The following SH2B3 variants were observed in gnomAD, a reference collection of about 807,000 sequenced individuals.
SH2B3 encodes the protein SH2B adaptor protein 3.
Under a neutral mutation model 51.9 loss-of-function variants are expected in SH2B3, and 43 were observed. The ratio of observed to expected loss-of-function variants is 0.83; its 90% CI spans 0.65 to 1.07. SH2B3 has a LOEUF of 1.07. SH2B3 is among the 50% of genes least tolerant of loss of function. The pLI is 0.00. For synonymous variants in SH2B3, 396 were observed against 376.0 expected, an observed-to-expected ratio of 1.05 and a Z score of -0.62; for missense variants, 952 against 834.3, an observed-to-expected ratio of 1.14 and a Z score of -1.74.
chr12:111,405,289 G>A (rs1266926998), upstream of SH2B3, among the ~76,000 whole-genome samples: 1 of 152,242 alleles, frequency 6.6e-6, no homozygotes, highest in Admixed American at 6.5e-5. The surrounding 1 kb of genome is among the most constrained non-coding windows in gnomAD (Gnocchi z 5.4). Context: ...CAAAGGCAAA[G>A]CTGAGGGCTG....
rs971748249 is a variant in SH2B3, at chr12:111,409,202, T to A, written c.-28+2925T>A. Among the ~76,000 whole-genome samples, 10 of 152,218 alleles carry A rather than the reference T, an allele frequency of 6.6e-5. No individual in the cohort carries two copies. Among genetic ancestry groups the A allele is most frequent in the Non-Finnish European group, 1.3e-4 (9 of 68,038 alleles). On this transcript the variant is annotated intron_variant, in intron 1 of 7. Coordinates refer to ENST00000341259, the MANE Select transcript of SH2B3 (RefSeq NM_005475.3). The surrounding 1 kb of genome is among the most constrained non-coding windows in gnomAD (Gnocchi z 4.0). ...CTGTGTTGGCTGTACTTGCTCTGGC[T>A]GTGTGATCTTGGGCTGGTCCCTTAG... is the stretch of plus-strand genomic sequence containing the variant.
chr12:111,433,508 C>T (rs1439286670), intron 2 of SH2B3, among the ~76,000 whole-genome samples: 1 of 152,170 alleles, frequency 6.6e-6, no homozygotes, highest in Non-Finnish European at 1.5e-5. Flanking sequence ...TGATTGTAGC[C>T]ATCCCAGCCA....
intron 2 of SH2B3, among the ~76,000 whole-genome samples, chr12:111,442,665 C>A (rs1176963289): frequency 6.6e-6 from 1 of 152,216 alleles, no homozygotes; most frequent in Non-Finnish European, 1.5e-5. Flanking sequence ...AGCCAGCAGG[C>A]CTGCTCCTGT....
rs199618669 is a variant in SH2B3, at chr12:111,447,662, C to A, written c.1243C>A (p.Arg415Ser). ...CCATCCTCTCCTCCCACAGCACCTG[C>A]GCCTGTCGCTGACAGAGCGGGGCCA... Reference protein sequence around the residue: ...FNFQGIAKHLRLSLTERGQCR... With the variant: ...FNFQGIAKHLSLSLTERGQCR... The change falls in exon 7 of 8, where the codon CGC becomes AGC. Residue 415 changes from arginine (R) to serine (S), a missense_variant. By Grantham distance (110) the Arg-to-Ser change is moderately radical (BLOSUM62 -1). Transcript: ENST00000341259. The A allele has an allele frequency of 1.4e-5, 23 of 1,611,664 alleles. No homozygotes were observed. The highest frequency in any genetic ancestry group is 1.8e-5 in the Non-Finnish European group (21 of 1,178,410).
rs1395045522 is a variant in SH2B3, at chr12:111,418,591, G to T, written c.446G>T (p.Arg149Leu). The change falls in exon 2 of 8, where the codon CGC becomes CTC. Residue 149 changes from arginine (R) to leucine (L), a missense_variant. Coordinates refer to ENST00000341259, the MANE Select transcript of SH2B3 (RefSeq NM_005475.3). The surrounding 1 kb of genome is among the most constrained non-coding windows in gnomAD (Gnocchi z 6.7). Reference sequence around the variant, plus strand: ...AGCCTCCGCCACATCTTCCGCCGCCGCTCGGCCGGGGAGCTGCCAGCGGCC... The same window carrying T: ...AGCCTCCGCCACATCTTCCGCCGCCTCTCGGCCGGGGAGCTGCCAGCGGCC... Reference protein sequence around the residue: ...RRSLRHIFRRRSAGELPAAHT... With the variant: ...RRSLRHIFRRLSAGELPAAHT... 15 of 1,488,592 alleles carry T rather than the reference G, an allele frequency of 1.0e-5. No individual in the cohort carries two copies. The highest frequency in any genetic ancestry group is 1.3e-5 in the Non-Finnish European group (15 of 1,126,462). 92.2% of individuals were successfully genotyped at this position (1,488,592 alleles called of 1,614,324 possible).
Position 111,418,205 on chromosome 12 carries a change from G to C in SH2B3, c.60G>C (p.Ala20=). The part of the protein sequence containing the change: ...SPSSAPSASP[A]AAPRGWSEFC... The stretch of plus-strand genomic sequence containing the variant: ...CTTCCGCGCCCTCAGCCTCCCCGGC[G>C]GCGGCCCCGCGGGGCTGGAGCGAGT... The change falls in exon 2 of 8, where the codon GCG becomes GCC. Residue 20 remains alanine, a synonymous_variant. Transcript: ENST00000341259. This position sits in a 1 kb window ranked among gnomAD's most constrained non-coding sequence, Gnocchi z 6.7. The C allele has an allele frequency of 1.9e-6, 3 of 1,577,810 alleles. No homozygotes were observed. Among genetic ancestry groups the C allele is most frequent in the Non-Finnish European group, 2.6e-6 (3 of 1,172,320 alleles).
In SH2B3 at chr12:111,437,170, A is replaced by T. The variant is rs1318188479; in HGVS notation, c.733-9583A>T. ...CCCAGCCCTGGGTTGGGCCCAGAGGAGGTGCTTGGAGGGTTTACTGGGTGA... is the reference window on the plus strand; with the variant it reads ...CCCAGCCCTGGGTTGGGCCCAGAGGTGGTGCTTGGAGGGTTTACTGGGTGA... On this transcript the variant is annotated intron_variant, in intron 2 of 7. Transcript: ENST00000341259. 3.3e-5 allele frequency among the ~76,000 whole-genome samples: 5 copies of T among 151,956 alleles called. No individual in the cohort carries two copies. The East Asian group carries it at 9.7e-4, about 29-fold the overall frequency.
rs750167910 is a variant in SH2B3 at position 111,429,391 on chromosome 12, G to T, written c.732+10514G>T. On this transcript the variant is annotated intron_variant, in intron 2 of 7. Transcript: ENST00000341259. This position sits in a 1 kb window ranked among gnomAD's most constrained non-coding sequence, Gnocchi z 4.4. ...CTGTCGCCCAGGTTAGAGCAGAGTG[G>T]TGTGATTTTGGCTCACTGCAACCAC... Among the ~76,000 whole-genome samples, 9 of 152,184 alleles carry T rather than the reference G, an allele frequency of 5.9e-5. No individual in the cohort carries two copies. The highest frequency in any genetic ancestry group is 1.5e-5 in the Non-Finnish European group (1 of 68,020).
chr12:111,418,270 C>G lies in SH2B3; in HGVS notation c.125C>G (p.Ala42Gly). The change falls in exon 2 of 8, where the codon GCC (alanine) becomes GGC (glycine). Residue 42 changes from alanine (A) to glycine (G), a missense_variant. Physicochemically the swap from Ala to Gly is moderately conservative, Grantham distance 60. Transcript: ENST00000341259. The surrounding 1 kb of genome is among the most constrained non-coding windows in gnomAD (Gnocchi z 6.7). ...GCCGTAGCGGCGGCCCGGGAGCTGG[C>G]CCGCCAGTACTGGCTGTTCGCCCGG... ...LHAVAAAREL[A>G]RQYWLFAREH... 2.0e-6 allele frequency: 3 copies of G among 1,538,288 alleles called. No individual in the cohort carries two copies. Among genetic ancestry groups the G allele is most frequent in the Non-Finnish European group, 2.6e-6 (3 of 1,149,298 alleles).
intron 2 of SH2B3, among the ~76,000 whole-genome samples, chr12:111,420,565 C>CTA (rs913065631): frequency 3.9e-5 from 6 of 152,066 alleles, no homozygotes; most frequent in African/African-American, 1.4e-4. Context: ...GGGCCTTACT[C>CTA]TAGAGCATGA....
At chr12:111,412,451 C>G (rs1870777865) in intron 1 of SH2B3, among the ~76,000 whole-genome samples, 1 of 152,260 alleles carries the variant, frequency 6.6e-6, no homozygotes, top group Non-Finnish European at 1.5e-5. Flanking sequence ...GGCAGGCCCC[C>G]CTGTGGCTTC....
Position 111,418,573 on chromosome 12 carries a change from G to A in SH2B3, c.428G>A (p.Arg143His), listed in dbSNP as rs754848736. ...TTCCAGCACTTTCGCCGCAGCCTCC[G>A]CCACATCTTCCGCCGCCGCTCGGCC... ...CSFQHFRRSL[R>H]HIFRRRSAGE... Residue 143 changes from arginine (R) to histidine (H), a missense_variant, in exon 2 of 8, where the codon CGC becomes CAC. By Grantham distance (29) the Arg-to-His change is conservative. Coordinates refer to ENST00000341259, the MANE Select transcript of SH2B3 (RefSeq NM_005475.3). The surrounding 1 kb of genome is among the most constrained non-coding windows in gnomAD (Gnocchi z 6.7). 2 of 1,481,878 alleles carry A rather than the reference G, an allele frequency of 1.3e-6. No homozygotes were observed. The highest frequency in any genetic ancestry group is 1.8e-6 in the Non-Finnish European group (2 of 1,122,782). 91.8% of individuals were successfully genotyped at this position (1,481,878 alleles called of 1,614,324 possible).
rs1454809707 is a variant in SH2B3, at chr12:111,448,356, T to C, written c.*54T>C. On this transcript the variant is annotated 3_prime_UTR_variant, in exon 8 of 8. Coordinates refer to ENST00000341259, the MANE Select transcript of SH2B3 (RefSeq NM_005475.3). ...TGCCCTTGAGGAGCACAGGCAGAAG[T>C]GTGAACTTGTGAATGTAATTGATCT... The C allele has an allele frequency of 8.2e-7, 1 of 1,215,436 alleles. No homozygotes were observed. The highest frequency in any genetic ancestry group is 1.5e-5 in the African/African-American group (1 of 66,424). 75.3% of individuals were successfully genotyped at this position (1,215,436 alleles called of 1,614,324 possible).
chr12:111,434,951 G>C, intron 2 of SH2B3: 1 of 1,535,482 alleles, frequency 6.5e-7, no homozygotes, highest in Non-Finnish European at 8.7e-7. Context: ...TGGCCTGGCT[G>C]TGCCAGTTGG....
rs1347283434 is a variant in SH2B3, at chr12:111,406,938, C to G, written c.-28+661C>G. Among the ~76,000 whole-genome samples, 1 of 152,130 alleles carries G rather than the reference C, an allele frequency of 6.6e-6. No individual in the cohort carries two copies. Among genetic ancestry groups the G allele is most frequent in the Non-Finnish European group, 1.5e-5 (1 of 68,004 alleles). ...CTTGCCTGGGGTTCCCTGGGAATCC[C>G]CCGACCAAAAAACGTCTGGAGTGGG... On this transcript the variant is annotated intron_variant, in intron 1 of 7. Transcript: ENST00000341259. This position sits in a 1 kb window ranked among gnomAD's most constrained non-coding sequence, Gnocchi z 5.7.
At chr12:111,444,962 A>G in intron 2 of SH2B3, 9 of 806,042 alleles carry the variant, frequency 1.1e-5, no homozygotes, top group Non-Finnish European at 1.4e-5. Context: ...GTTGGGGAAG[A>G]ACCCCTGGGT....
intron 2 of SH2B3, among the ~76,000 whole-genome samples, chr12:111,443,190 G>A (rs902200489): frequency 6.6e-6 from 1 of 152,240 alleles, no homozygotes; most frequent in South Asian, 2.1e-4. Context: ...CAGCCAGGTG[G>A]GATAAAGAGG....
chr12:111,432,142 C>T (rs1872541123), intron 2 of SH2B3, among the ~76,000 whole-genome samples: 1 of 150,084 alleles, frequency 6.7e-6, no homozygotes, highest in African/African-American at 2.5e-5. Flanking sequence ...TTTTCCACCT[C>T]CTAGGTTCAA....
In SH2B3 at chr12:111,410,052, C is replaced by T. The variant is rs963620462; in HGVS notation, c.-28+3775C>T. On this transcript the variant is annotated intron_variant, in intron 1 of 7. Coordinates refer to ENST00000341259, the MANE Select transcript of SH2B3 (RefSeq NM_005475.3). The surrounding 1 kb of genome is among the most constrained non-coding windows in gnomAD (Gnocchi z 4.9). ...CTGGGGGCCCACCCGGATGTGGCTA[C>T]CCCCCGGCTGGCCAGTGGGGAGCCG... 6.6e-6 allele frequency among the ~76,000 whole-genome samples: 1 copy of T among 152,168 alleles called. No individual in the cohort carries two copies. The highest frequency in any genetic ancestry group is 2.4e-5 in the African/African-American group (1 of 41,442).
Sources: gnomAD v4.1 joint callset for allele counts (sites outside exome capture counted in the v4.1 genomes callset) on GRCh38, gnomAD v4.1.1 for gene constraint, Gnocchi (gnomAD v3.1) non-coding constraint, MANE v1.5 for transcripts, NCBI Gene and HGNC (gene_info 2026-07-23, HGNC 2026-07-21) for gene names.